The following ZNF446 variants were observed in gnomAD, a reference collection of about 807,000 sequenced individuals.
The protein encoded by ZNF446 is zinc finger protein 446.
A neutral mutation model predicts 34.0 loss-of-function variants in ZNF446; 42 were observed. The observed-to-expected ratio is 1.23, with a 90% CI of 0.96 to 1.60. The LOEUF (loss-of-function observed/expected upper bound fraction) is 1.60. Ranked by LOEUF, ZNF446 falls within the 40% of genes most tolerant of loss-of-function variation. ZNF446 has a pLI of 0.00. For missense variants in ZNF446, 650 were observed against 600.2 expected, an observed-to-expected ratio of 1.08 and a Z score of -0.87; for synonymous variants, 315 against 251.0, an observed-to-expected ratio of 1.25 and a Z score of -2.41.
downstream of ZNF446, among the ~76,000 whole-genome samples, chr19:58,482,541 G>A (rs1399167640): frequency 6.6e-6 from 1 of 152,184 alleles, no homozygotes; most frequent in Non-Finnish European, 1.5e-5. Context: ...TGCAGCATGT[G>A]CACAAGTCGC....
At position 58,480,951 on chromosome 19, in the gene ZNF446, G is replaced by A. The variant is rs936022913; in HGVS notation, c.*225G>A. The A allele has an allele frequency of 4.0e-5, 24 of 607,454 alleles. No individual in the cohort carries two copies. In the Admixed American group the frequency reaches 7.2e-4, roughly 18 times the overall value. The allele number at this position is 607,454 out of a possible 1,614,324, so 37.6% of individuals were successfully genotyped here. A position where few individuals can be genotyped will look rare whatever the true frequency, so the allele number is the denominator to read the frequency against. On this transcript the variant is annotated 3_prime_UTR_variant, in exon 7 of 7. Transcript: ENST00000594369. The surrounding 1 kb of genome is among the most constrained non-coding windows in gnomAD (Gnocchi z 7.2). ...CCCTGCCTCCTAGAGGGAGGTCTGG[G>A]TTCCCTTCTATGGCTGACCAGTGCC...
At chr19:58,476,693 C>G (rs1028709675) in intron 1 of ZNF446, among the ~76,000 whole-genome samples, 189 bp downstream of exon 1, 15 of 152,210 alleles carry the variant, frequency 9.9e-5, no homozygotes, top group Non-Finnish European at 1.6e-4. Context: ...TGCCCCCTCC[C>G]CAGAGCCATT....
At position 58,477,272 on chromosome 19, in the gene ZNF446, C is replaced by A; in HGVS notation, c.54C>A (p.Thr18=). Residue 18 remains threonine, a synonymous_variant, in exon 2 of 7, where the codon ACC becomes ACA. Transcript: ENST00000594369. ...PCLPVMDPET[T]LEEPETARLR... is the part of the protein sequence containing the mutation. The stretch of plus-strand genomic sequence containing the variant: ...TGCCCGTCATGGACCCAGAGACCAC[C>A]CTTGAGGAGCCTGAGACTGCCCGCC... 6.2e-7 allele frequency: 1 copy of A among 1,610,516 alleles called. No homozygotes were observed. The highest frequency in any genetic ancestry group is 1.1e-5 in the South Asian group (1 of 90,786).
At position 58,480,376 on chromosome 19, in the gene ZNF446, G is replaced by A. The variant is rs142886327; in HGVS notation, c.1003G>A (p.Glu335Lys). The A allele has an allele frequency of 9.2e-4, 1,489 of 1,609,928 alleles. 18 individuals are homozygous for A. The East Asian group carries it at 0.023, about 25-fold the overall frequency. ...AATPRKPYTC[E>K]QCGRGFDWKS... ...CACCCCCAGGAAGCCCTACACGTGCGAGCAGTGTGGCCGCGGCTTCGACTG... is the reference window on the plus strand; with the variant it reads ...CACCCCCAGGAAGCCCTACACGTGCAAGCAGTGTGGCCGCGGCTTCGACTG... The change falls in exon 7 of 7, where the codon GAG becomes AAG. Residue 335 changes from glutamate (E) to lysine (K), a missense_variant. Transcript: ENST00000594369. This position sits in a 1 kb window ranked among gnomAD's most constrained non-coding sequence, Gnocchi z 7.2.
At chr19:58,478,303 G>GAGT in intron 4 of ZNF446, 122 bp downstream of exon 4, 1 of 883,060 alleles carries the variant, frequency 1.1e-6, no homozygotes, top group Non-Finnish European at 1.7e-6. Context: ...CCCAGAAGTG[G>GAGT]AGTCTGTAAA....
At chr19:58,487,751 G>A in the ZNF446 span, among the ~76,000 whole-genome samples, 1 of 152,218 alleles carries the variant, frequency 6.6e-6, no homozygotes, top group African/African-American at 2.4e-5. Flanking sequence ...GGAGGTTGCA[G>A]TGAGCCGAGA....
At chr19:58,478,244 C>A (rs1363131544) in intron 4 of ZNF446, 63 bp downstream of exon 4, 1 of 1,487,646 alleles carries the variant, frequency 6.7e-7, no homozygotes, top group Non-Finnish European at 9.1e-7. Context: ...CCCATGGCTG[C>A]CCTCTGCCTG....
downstream of ZNF446, among the ~76,000 whole-genome samples, chr19:58,484,262 C>A (rs1410137541): frequency 2.9e-5 from 4 of 136,202 alleles, no homozygotes; most frequent in Non-Finnish European, 6.2e-5. Flanking sequence ...CAGAGTGAGA[C>A]CCCATCTCTA....
intron 4 of ZNF446, 151 bp downstream of exon 4, chr19:58,478,332 G>A: frequency 1.5e-6 from 1 of 678,362 alleles, no homozygotes; most frequent in South Asian, 2.0e-5. Flanking sequence ...CCCTCCACAG[G>A]ACCTGGGGCA....
chr19:58,486,916 C>T, the ZNF446 span, among the ~76,000 whole-genome samples: 19 of 152,004 alleles, frequency 1.2e-4, no homozygotes. Flanking sequence ...CATTCTCCTG[C>T]CTCAGCCTCC....
At chr19:58,487,963 G>A in the ZNF446 span, among the ~76,000 whole-genome samples, 1 of 152,270 alleles carries the variant, frequency 6.6e-6, no homozygotes, top group African/African-American at 2.4e-5. Flanking sequence ...AGTAATCAGA[G>A]AAACCCCAGC....
downstream of ZNF446, among the ~76,000 whole-genome samples, chr19:58,481,894 C>G (rs539862109): frequency 1.9e-3 from 286 of 152,220 alleles, 2 homozygotes; most frequent in African/African-American, 6.6e-3. Context: ...CCCGGGTTCA[C>G]GCCATTCTCC....
rs758518756 is a variant in ZNF446, at chr19:58,477,727, G to C, written c.433G>C (p.Glu145Gln). The C allele has an allele frequency of 4.4e-5, 71 of 1,613,642 alleles. No homozygotes were observed. Among genetic ancestry groups the C allele is most frequent in the Non-Finnish European group, 5.7e-5 (67 of 1,179,914 alleles). The change falls in exon 3 of 7, where the codon GAG becomes CAG. Residue 145 changes from glutamate (E) to glutamine (Q), a missense_variant. By Grantham distance (29) the Glu-to-Gln change is conservative. Transcript: ENST00000594369. ...LGSPHPSGTV[E>Q]SPGEGPQDTR... ...GAGCCCCCACCCCTCAGGGACAGTGGAGTCCCCTGGGGAAGGTCCCCAGGA... is the reference window on the plus strand; with the variant it reads ...GAGCCCCCACCCCTCAGGGACAGTGCAGTCCCCTGGGGAAGGTCCCCAGGA...
chr19:58,486,791 T>C, the ZNF446 span, among the ~76,000 whole-genome samples: 28 of 150,832 alleles, frequency 1.9e-4, no homozygotes, highest in Non-Finnish European at 2.2e-4. Context: ...ACCTCAAGAG[T>C]TGAAAATGAT....
At position 58,477,335 on chromosome 19, in the gene ZNF446, T is replaced by TC; in HGVS notation, c.121dup (p.Arg41ProfsTer9). Reference sequence around the variant, plus strand: ...GGTTCTGCTACCAGGAGGTGGCAGGTCCCCGAGAAGCCCTGGCCCGGCTGC... The same window carrying TC: ...GGTTCTGCTACCAGGAGGTGGCAGGTCCCCCGAGAAGCCCTGGCCCGGCTGC... On this transcript the variant is annotated frameshift_variant, in exon 2 of 7. Coordinates refer to ENST00000594369, the MANE Select transcript of ZNF446 (RefSeq NM_017908.4). LOFTEE classifies it high-confidence loss of function. 6.2e-7 allele frequency: 1 copy of TC among 1,613,224 alleles called. No individual in the cohort carries two copies. The highest frequency in any genetic ancestry group is 8.5e-7 in the Non-Finnish European group (1 of 1,179,966).
At chr19:58,488,427 T>C in the ZNF446 span, among the ~76,000 whole-genome samples, 1 of 152,010 alleles carries the variant, frequency 6.6e-6, no homozygotes, top group East Asian at 1.9e-4. Context: ...ATAGCACTGG[T>C]TGGTATTCGT....
rs772687563 is a variant in ZNF446, at chr19:58,480,222, C to G, written c.849C>G (p.Pro283=). Reference sequence around the variant, plus strand: ...CTGGCTGCCCAGAGGCCCAGCCGCCCCAGGGCCCAGGGCCGGCAGCCTGGG... The same window carrying G: ...CTGGCTGCCCAGAGGCCCAGCCGCCGCAGGGCCCAGGGCCGGCAGCCTGGG... The part of the protein sequence containing the change: ...GPPGCPEAQP[P]QGPGPAAWEG... The change falls in exon 7 of 7, where the codon CCC becomes CCG. Residue 283 remains proline, a synonymous_variant. Transcript: ENST00000594369. This position sits in a 1 kb window ranked among gnomAD's most constrained non-coding sequence, Gnocchi z 7.2. 6.3e-7 allele frequency: 1 copy of G among 1,594,056 alleles called. No homozygotes were observed. Among genetic ancestry groups the G allele is most frequent in the Non-Finnish European group, 8.5e-7 (1 of 1,176,624 alleles).
downstream of ZNF446, among the ~76,000 whole-genome samples, chr19:58,482,015 C>T (rs546999888): frequency 6.6e-6 from 1 of 152,198 alleles, no homozygotes; most frequent in Non-Finnish European, 1.5e-5. Flanking sequence ...AGGATGGTCT[C>T]GATCTCCTGA....
In ZNF446 at chr19:58,477,401, C is replaced by A. The variant is rs776037161; in HGVS notation, c.183C>A (p.Ser61=). 50 of 1,613,342 alleles carry A rather than the reference C, an allele frequency of 3.1e-5. No homozygotes were observed. The highest frequency in any genetic ancestry group is 4.1e-5 in the Non-Finnish European group (48 of 1,180,032). Residue 61 remains serine (S), a synonymous_variant, in exon 2 of 7, where the codon TCC becomes TCA. Transcript: ENST00000594369. Reference sequence around the variant, plus strand: ...AGTGGCTGCAGCCTGAGGCACACTCCAAGGAGCAGATGCTGGAGATGCTGG... The same window carrying A: ...AGTGGCTGCAGCCTGAGGCACACTCAAAGGAGCAGATGCTGGAGATGCTGG... ...CCQWLQPEAH[S]KEQMLEMLVL...
Sources: gnomAD v4.1 joint callset for allele counts (sites outside exome capture counted in the v4.1 genomes callset) on GRCh38, gnomAD v4.1.1 for gene constraint, Gnocchi (gnomAD v3.1) non-coding constraint, MANE v1.5 for transcripts, NCBI Gene and HGNC (gene_info 2026-07-23, HGNC 2026-07-21) for gene names.